The following COMMD10 variants were observed in gnomAD, a reference collection of about 807,000 sequenced individuals.
COMMD10 encodes the protein COMM domain containing 10, also known as COMM domain-containing protein 10.
COMMD10 carries 33 observed loss-of-function variants against 28.9 expected under a neutral mutation model. The ratio of observed to expected loss-of-function variants is 1.14; its 90% CI spans 0.87 to 1.53. The LOEUF (loss-of-function observed/expected upper bound fraction) is 1.53, where lower values mean the gene tolerates loss of function less well. Ranked by LOEUF, COMMD10 falls within the 40% of genes most tolerant of loss-of-function variation. COMMD10 has a pLI of 0.00. For synonymous variants in COMMD10, 110 were observed against 81.7 expected, an observed-to-expected ratio of 1.35 and a Z score of -1.87; for missense variants, 310 against 233.4, an observed-to-expected ratio of 1.33 and a Z score of -2.14.
At chr5:116,145,252 A>G (rs990801088) in intron 5 of COMMD10, among the ~76,000 whole-genome samples, 4 of 151,982 alleles carry the variant, frequency 2.6e-5, no homozygotes, top group Admixed American at 1.3e-4. Context: ...CTATTACTAC[A>G]CAGTGCTGAT....
intron 4 of COMMD10, among the ~76,000 whole-genome samples, chr5:116,094,656 A>G (rs1750411860): frequency 6.6e-6 from 1 of 152,228 alleles, no homozygotes; most frequent in Middle Eastern, 3.2e-3. Context: ...ACAGTCCAGT[A>G]ATTCCACTAC....
chr5:116,203,444 T>G (rs11738109), intron 5 of COMMD10, among the ~76,000 whole-genome samples: 15 of 151,098 alleles, frequency 9.9e-5, no homozygotes, highest in African/African-American at 3.6e-4. Context: ...ATTGTCACAT[T>G]CACCAAAGTT....
chr5:116,128,804 G>A (rs1751751998), intron 4 of COMMD10, among the ~76,000 whole-genome samples: 1 of 151,826 alleles, frequency 6.6e-6, no homozygotes, highest in African/African-American at 2.4e-5. Context: ...CTTATTTTAT[G>A]GCGTATCCCT....
intron 5 of COMMD10, among the ~76,000 whole-genome samples, chr5:116,235,473 C>T (rs1019674583): frequency 2.0e-5 from 3 of 152,104 alleles, no homozygotes; most frequent in Non-Finnish European, 2.9e-5. Context: ...TAGCTCTCAC[C>T]TCTTCATCTA....
In COMMD10 at chr5:116,114,674, C is replaced by T. The variant is rs527969470; in HGVS notation, c.400-19394C>T. ...TGCATGAGGGGTGACAACACCTTTG[C>T]TGAAGTACTGCCATGATGGGAGAGT... On this transcript the variant is annotated intron_variant, in intron 4 of 6. Transcript: ENST00000274458. Among the ~76,000 whole-genome samples the T allele has an allele frequency of 6.9e-4, 105 of 152,276 alleles. 1 individual carries two copies. The highest frequency in any genetic ancestry group is 7.9e-4 in the Non-Finnish European group (54 of 68,020).
chr5:116,292,784 C>A lies in COMMD10; in HGVS notation c.*295C>A. 2.5e-6 allele frequency: 1 copy of A among 400,602 alleles called. No individual in the cohort carries two copies. The highest frequency in any genetic ancestry group is 3.6e-5 in the East Asian group (1 of 28,092). The allele number at this position is 400,602 out of a possible 1,614,324, so 24.8% of individuals were successfully genotyped here. On this transcript the variant is annotated 3_prime_UTR_variant, in exon 7 of 7. Transcript: ENST00000274458. ...TTACTGTCATAGTGTTGCTTTCTTGCCTGTCCTGCTTAGTTTTTACTTGCT... is the reference window on the plus strand; with the variant it reads ...TTACTGTCATAGTGTTGCTTTCTTGACTGTCCTGCTTAGTTTTTACTTGCT...
intron 5 of COMMD10, among the ~76,000 whole-genome samples, chr5:116,283,454 C>T (rs1312261540): frequency 6.6e-6 from 1 of 151,446 alleles, no homozygotes; most frequent in Non-Finnish European, 1.5e-5. Flanking sequence ...TCAAGCGATT[C>T]TCCTGCCTCA....
chr5:116,219,972 C>G (rs1439991367), intron 5 of COMMD10, among the ~76,000 whole-genome samples: 2 of 151,548 alleles, frequency 1.3e-5, no homozygotes, highest in African/African-American at 4.9e-5. Flanking sequence ...TCTACTTTTT[C>G]TTTTTTATAC....
intron 1 of COMMD10, 103 bp downstream of exon 1, chr5:116,085,196 G>A: frequency 1.2e-5 from 11 of 885,052 alleles, no homozygotes; most frequent in Non-Finnish European, 1.9e-5. Flanking sequence ...GCCGCGGCGG[G>A]CCCGGTTGAG....
chr5:116,199,784 G>A (rs1748615553), intron 5 of COMMD10, among the ~76,000 whole-genome samples: 1 of 151,856 alleles, frequency 6.6e-6, no homozygotes, highest in African/African-American at 2.4e-5. Flanking sequence ...AAATAAACAG[G>A]GTCTCGCTAT....
chr5:116,233,980 G>A (rs979613286), intron 5 of COMMD10, among the ~76,000 whole-genome samples: 1 of 152,164 alleles, frequency 6.6e-6, no homozygotes, highest in Non-Finnish European at 1.5e-5. Context: ...TACATTAACA[G>A]AAGAGGTAAA....
chr5:116,115,109 C>T (rs1009620384), intron 4 of COMMD10, among the ~76,000 whole-genome samples: 2 of 152,164 alleles, frequency 1.3e-5, no homozygotes, highest in African/African-American at 4.8e-5. Flanking sequence ...AGAATGGCAT[C>T]TTACTGTAGC....
chr5:116,134,883 A>C (rs1751980672), intron 5 of COMMD10, among the ~76,000 whole-genome samples: 1 of 152,082 alleles, frequency 6.6e-6, no homozygotes, highest in Non-Finnish European at 1.5e-5. Flanking sequence ...AGCCTCCCAA[A>C]GTGCTGGGAT....
At chr5:116,151,589 T>A (rs142224707) in intron 5 of COMMD10, among the ~76,000 whole-genome samples, 7 of 151,936 alleles carry the variant, frequency 4.6e-5, no homozygotes, top group Non-Finnish European at 1.0e-4. Flanking sequence ...ATCTTGGGAG[T>A]GTATATGTGT....
At chr5:116,208,895 G>C (rs763721917) in intron 5 of COMMD10, among the ~76,000 whole-genome samples, 81 of 152,100 alleles carry the variant, frequency 5.3e-4, no homozygotes, top group Non-Finnish European at 7.4e-5. Context: ...TGGGATGCAG[G>C]TACTGTTTAT....
At chr5:116,189,359 G>A (rs954576408) in intron 5 of COMMD10, among the ~76,000 whole-genome samples, 1 of 152,172 alleles carries the variant, frequency 6.6e-6, no homozygotes, top group Non-Finnish European at 1.5e-5. Context: ...TCTCATACCA[G>A]TGGAGATACT....
chr5:116,184,496 C>G (rs1748076777), intron 5 of COMMD10, among the ~76,000 whole-genome samples: 1 of 151,954 alleles, frequency 6.6e-6, no homozygotes, highest in Non-Finnish European at 1.5e-5. Context: ...TTCACCTCCA[C>G]CCCGCCTTTC....
At chr5:116,275,026 A>C (rs75311153) in intron 5 of COMMD10, among the ~76,000 whole-genome samples, 11,551 of 151,762 alleles carry the variant, frequency 0.076, 917 homozygotes, top group African/African-American at 0.19. Context: ...ACTGAACTTG[A>C]AATTCCCAAC....
At chr5:116,227,020 A>G (rs971966049) in intron 5 of COMMD10, among the ~76,000 whole-genome samples, 1 of 151,628 alleles carries the variant, frequency 6.6e-6, no homozygotes, top group Admixed American at 6.6e-5. Flanking sequence ...GCTCCATTGT[A>G]TACTGTTTAT....
Sources: gnomAD v4.1 joint callset for allele counts (sites outside exome capture counted in the v4.1 genomes callset) on GRCh38, gnomAD v4.1.1 for gene constraint, MANE v1.5 for transcripts, NCBI Gene and HGNC (gene_info 2026-07-23, HGNC 2026-07-21) for gene names.